The following POU2AF2 variants were observed in gnomAD, a reference collection of about 807,000 sequenced individuals.
The protein encoded by POU2AF2 is POU domain class 2-associating factor 2.
At chr11:111,285,075 T>C in the POU2AF2 span, among the ~76,000 whole-genome samples, 1 of 152,238 alleles carries the variant, frequency 6.6e-6, no homozygotes, top group African/African-American at 2.4e-5. Flanking sequence ...GATATATTTA[T>C]GAAAGTCCCA....
the POU2AF2 span, chr11:111,256,001 A>T: frequency 2.5e-6 from 1 of 399,180 alleles, no homozygotes; most frequent in African/African-American, 2.1e-5. Flanking sequence ...GACTACAGCA[A>T]ACGAGTGTAT....
chr11:111,285,844 G>A, the POU2AF2 span: 6 of 1,609,396 alleles, frequency 3.7e-6, no homozygotes, highest in Non-Finnish European at 5.1e-6. Flanking sequence ...TGCATGCTCT[G>A]GAAGATCTGC....
At chr11:111,279,563 G>C in the POU2AF2 span, among the ~76,000 whole-genome samples, 5 of 152,258 alleles carry the variant, frequency 3.3e-5, no homozygotes, top group East Asian at 7.7e-4. Flanking sequence ...TGCTGCCTTT[G>C]TCTTCACATG....
the POU2AF2 span, among the ~76,000 whole-genome samples, chr11:111,255,403 T>A: frequency 6.6e-6 from 1 of 152,214 alleles, no homozygotes; most frequent in Non-Finnish European, 1.5e-5. Context: ...TCCTTATTTA[T>A]CCTCGGCCTT....
chr11:111,281,592 A>G, the POU2AF2 span: 23 of 834,616 alleles, frequency 2.8e-5, no homozygotes, highest in Non-Finnish European at 4.3e-5. Context: ...GAAGGACAGA[A>G]CTCATGCAGT....
the POU2AF2 span, among the ~76,000 whole-genome samples, chr11:111,257,564 A>C: frequency 2.2e-4 from 34 of 151,800 alleles, no homozygotes; most frequent in Non-Finnish European, 3.1e-4. Context: ...TTAGTAGAGA[A>C]GGGGTTCCAC....
the POU2AF2 span, chr11:111,281,474 T>C: frequency 1.1e-3 from 1,691 of 1,608,314 alleles, 16 homozygotes; most frequent in African/African-American, 0.019. Context: ...AATTATTCCC[T>C]TTTGAATTTA....
chr11:111,249,832 A>G, the POU2AF2 span, among the ~76,000 whole-genome samples: 37 of 152,034 alleles, frequency 2.4e-4, no homozygotes, highest in Admixed American at 1.9e-3. Flanking sequence ...GTGCACCCCT[A>G]CCGCTTGAAG....
chr11:111,247,253 C>A, the POU2AF2 span, among the ~76,000 whole-genome samples: 1 of 148,904 alleles, frequency 6.7e-6, no homozygotes, highest in Non-Finnish European at 1.5e-5. Context: ...CAACAGATGG[C>A]TGTTTAGGTT....
At chr11:111,249,313 C>A in the POU2AF2 span, among the ~76,000 whole-genome samples, 1 of 151,900 alleles carries the variant, frequency 6.6e-6, no homozygotes, top group African/African-American at 2.4e-5. Context: ...TCATTCCTCT[C>A]CAAAAAAAAG....
the POU2AF2 span, among the ~76,000 whole-genome samples, chr11:111,276,447 AAAAAAAATAT>A: frequency 3.3e-5 from 1 of 30,262 alleles, no homozygotes; most frequent in Non-Finnish European, 7.7e-5. Flanking sequence ...AAGAAAAAAA[AAAAAAAATAT>A]ATATATATAT....
At chr11:111,282,005 T>A in the POU2AF2 span, among the ~76,000 whole-genome samples, 1 of 152,178 alleles carries the variant, frequency 6.6e-6, no homozygotes, top group Non-Finnish European at 1.5e-5. Context: ...GGGAAAGGAA[T>A]AAGAGCAATC....
At chr11:111,245,818 T>C in the POU2AF2 span, 2 of 398,866 alleles carry the variant, frequency 5.0e-6, no homozygotes, top group African/African-American at 2.1e-5. Flanking sequence ...AATTCTGCAC[T>C]GCTGTTAAGA....
At chr11:111,248,033 G>A in the POU2AF2 span, among the ~76,000 whole-genome samples, 3 of 151,284 alleles carry the variant, frequency 2.0e-5, no homozygotes, top group Non-Finnish European at 2.9e-5. Context: ...ACAGGCGCCC[G>A]CCACCACGCC....
the POU2AF2 span, among the ~76,000 whole-genome samples, chr11:111,264,635 GAA>G: frequency 1.5e-5 from 2 of 136,946 alleles, no homozygotes; most frequent in African/African-American, 5.3e-5. Context: ...GAAAGAAAGA[GAA>G]AGAAAGAGAG....
the POU2AF2 span, among the ~76,000 whole-genome samples, chr11:111,281,181 G>A: frequency 6.6e-6 from 1 of 152,204 alleles, no homozygotes; most frequent in Non-Finnish European, 1.5e-5. Flanking sequence ...TTTCTGGCAT[G>A]TTTATCAAAA....
At chr11:111,264,927 A>T in the POU2AF2 span, among the ~76,000 whole-genome samples, 1 of 136,252 alleles carries the variant, frequency 7.3e-6, no homozygotes, top group African/African-American at 2.7e-5. Flanking sequence ...GAAAGAAAGA[A>T]GAAAGAAAGA....
chr11:111,286,075 T>G, the POU2AF2 span: 1 of 1,599,086 alleles, frequency 6.3e-7, no homozygotes, highest in African/African-American at 1.4e-5. Flanking sequence ...AAATGACTTC[T>G]GGGTTTTTCT....
the POU2AF2 span, among the ~76,000 whole-genome samples, chr11:111,264,126 G>A: frequency 1.3e-5 from 2 of 152,204 alleles, no homozygotes; most frequent in Non-Finnish European, 2.9e-5. Flanking sequence ...AGTGCCAAAA[G>A]AGTTGAGTGT....
Sources: allele counts gnomAD v4.1 joint callset (sites outside exome capture counted in the v4.1 genomes callset), GRCh38; gene constraint gnomAD v4.1.1; transcripts MANE v1.5; gene names NCBI Gene and HGNC (gene_info 2026-07-23, HGNC 2026-07-21).